LRRFIP1: variants seen among roughly 807,000 people sequenced by gnomAD.
The protein encoded by LRRFIP1 is leucine-rich repeat flightless-interacting protein 1.
A neutral mutation model predicts 104.4 loss-of-function variants in LRRFIP1; 62 were observed. That is an observed-to-expected ratio of 0.59 (90% CI 0.48 to 0.73). LRRFIP1 has a LOEUF of 0.73. Ranked by LOEUF, LRRFIP1 falls within the 30% of genes least tolerant of loss-of-function variation. The pLI is 0.00. For missense variants in LRRFIP1, 796 were observed against 824.5 expected (o/e 0.97, Z 0.42); for synonymous variants, 300 against 299.0 (o/e 1.00, Z -0.03).
chr2:237,701,352 C>T (rs13433066), intron 1 of LRRFIP1, among the ~76,000 whole-genome samples: 11,945 of 152,262 alleles, frequency 0.078, 1,575 homozygotes, highest in African/African-American at 0.27. Context: ...GGGCTGTCCC[C>T]ACCCTTAGGC....
chr2:237,647,527 C>T lies in LRRFIP1; in HGVS notation c.96+19787C>T, dbSNP rs1256012808. On this transcript the variant is annotated intron_variant, in intron 1 of 23. Coordinates refer to ENST00000308482, the MANE Select transcript of LRRFIP1 (RefSeq NM_001137550.2). Reference sequence around the variant, plus strand: ...TCCCTCAGATGGGTGCCCCCCCACCCTGCAGCAGGGTTGAGGGAGCAGAAG... The same window carrying T: ...TCCCTCAGATGGGTGCCCCCCCACCTTGCAGCAGGGTTGAGGGAGCAGAAG... 7.9e-5 allele frequency among the ~76,000 whole-genome samples: 12 copies of T among 152,102 alleles called. 2 individuals carry two copies.
intron 5 of LRRFIP1, 101 bp downstream of exon 5, chr2:237,719,668 G>T: frequency 2.8e-6 from 2 of 720,160 alleles, no homozygotes; most frequent in Non-Finnish European, 2.3e-6. Context: ...TCTTAATGAT[G>T]ATATCATCTC....
At chr2:237,746,543 G>T (rs1253238678) in intron 11 of LRRFIP1, among the ~76,000 whole-genome samples, 6 of 152,176 alleles carry the variant, frequency 3.9e-5, no homozygotes, top group African/African-American at 1.4e-4. Flanking sequence ...ATCGGAGTCT[G>T]CCTTGGTACT....
intron 1 of LRRFIP1, among the ~76,000 whole-genome samples, chr2:237,677,586 G>T (rs955052352): frequency 6.6e-6 from 1 of 152,140 alleles, no homozygotes; most frequent in Admixed American, 6.5e-5. Context: ...AAGGCCAGGG[G>T]TTTGAGACCA....
At chr2:237,777,342 A>T (rs1157770491) in intron 23 of LRRFIP1, among the ~76,000 whole-genome samples, 1 of 151,968 alleles carries the variant, frequency 6.6e-6, no homozygotes, top group Non-Finnish European at 1.5e-5. Flanking sequence ...ACTGTACTAG[A>T]ATCATTTTCC....
intron 1 of LRRFIP1, among the ~76,000 whole-genome samples, chr2:237,689,510 G>A (rs888847975): frequency 5.3e-5 from 8 of 152,158 alleles, no homozygotes; most frequent in African/African-American, 1.9e-4. Flanking sequence ...TTGTTCCTGG[G>A]ACTAAGACTC....
intron 1 of LRRFIP1, among the ~76,000 whole-genome samples, chr2:237,647,211 C>A (rs1346403812): frequency 6.6e-6 from 1 of 151,976 alleles, no homozygotes; most frequent in African/African-American, 2.4e-5. Context: ...GACCCATAGG[C>A]CTACAGTGAC....
At chr2:237,756,826 A>G (rs1279580240) in intron 16 of LRRFIP1, among the ~76,000 whole-genome samples, 1 of 152,222 alleles carries the variant, frequency 6.6e-6, no homozygotes. Flanking sequence ...ACATGGTTAA[A>G]GGGCCCCTGC....
intron 23 of LRRFIP1, among the ~76,000 whole-genome samples, chr2:237,774,712 T>G (rs1245940841): frequency 1.3e-5 from 2 of 152,244 alleles, no homozygotes; most frequent in Admixed American, 1.3e-4. Context: ...ATAGGTCTTG[T>G]CCGTAAACGT....
At chr2:237,667,831 G>A (rs1053624433) in intron 1 of LRRFIP1, among the ~76,000 whole-genome samples, 2 of 152,086 alleles carry the variant, frequency 1.3e-5, no homozygotes, top group Non-Finnish European at 2.9e-5. Flanking sequence ...CCCGAGCCCT[G>A]TAGCTTCCCT....
At chr2:237,698,573 G>A (rs1466812803) in intron 1 of LRRFIP1, among the ~76,000 whole-genome samples, 1 of 152,244 alleles carries the variant, frequency 6.6e-6, no homozygotes, top group Non-Finnish European at 1.5e-5. Flanking sequence ...GAGCAGCCTT[G>A]TAAGCTAAAG....
At chr2:237,724,956 A>G (rs2094684869) in intron 7 of LRRFIP1, among the ~76,000 whole-genome samples, 1 of 152,182 alleles carries the variant, frequency 6.6e-6, no homozygotes, top group African/African-American at 2.4e-5. Flanking sequence ...TAGAAAAGAC[A>G]TCTAACATTA....
chr2:237,697,329 G>A (rs1192699941), intron 1 of LRRFIP1, among the ~76,000 whole-genome samples: 1 of 152,156 alleles, frequency 6.6e-6, no homozygotes, highest in Non-Finnish European at 1.5e-5. Context: ...GGCCCAATGA[G>A]CTTTACTTTT....
rs767938879 is a variant in LRRFIP1 at position 237,649,745 on chromosome 2, C to T, written c.96+22005C>T. The stretch of plus-strand genomic sequence containing the variant: ...TCCCTGCCGCGGTTCGGAAGCTCCA[C>T]GGGGGCCAGTGTTGTTCAGGCCTCA... On this transcript the variant is annotated intron_variant, in intron 1 of 23. Coordinates refer to ENST00000308482, the MANE Select transcript of LRRFIP1 (RefSeq NM_001137550.2). This position sits in a 1 kb window ranked among gnomAD's most constrained non-coding sequence, Gnocchi z 4.1. 8.5e-5 allele frequency among the ~76,000 whole-genome samples: 13 copies of T among 152,098 alleles called. No homozygotes were observed. The highest frequency in any genetic ancestry group is 2.1e-4 in the South Asian group (1 of 4,816).
At chr2:237,661,000 G>A (rs1295320387) in intron 1 of LRRFIP1, among the ~76,000 whole-genome samples, 1 of 152,148 alleles carries the variant, frequency 6.6e-6, no homozygotes, top group Non-Finnish European at 1.5e-5. Context: ...TGAAAGAGGC[G>A]AGATTATTGC....
intron 1 of LRRFIP1, among the ~76,000 whole-genome samples, chr2:237,648,691 C>T (rs1172756505): frequency 1.3e-5 from 2 of 151,862 alleles, no homozygotes; most frequent in Middle Eastern, 3.4e-3. Flanking sequence ...AAACCATCTT[C>T]CCAGAAACTA....
At chr2:237,770,026 A>T in intron 20 of LRRFIP1, 34 bp downstream of exon 20, 1 of 1,562,448 alleles carries the variant, frequency 6.4e-7, no homozygotes, top group Non-Finnish European at 8.7e-7. Flanking sequence ...CCGGTTCATG[A>T]ACAGGGCACC....
At chr2:237,719,500 T>C in intron 4 of LRRFIP1, 23 bp from the exon 5 acceptor site, 1 of 1,606,744 alleles carries the variant, frequency 6.2e-7, no homozygotes, top group African/African-American at 1.3e-5. Flanking sequence ...TCTAACCTTT[T>C]CATGCTGTTT....
chr2:237,647,468 C>G (rs1403607058), intron 1 of LRRFIP1, among the ~76,000 whole-genome samples: 1 of 152,070 alleles, frequency 6.6e-6, no homozygotes, highest in Non-Finnish European at 1.5e-5. Flanking sequence ...AGCCCACCCA[C>G]TGGTGCAGGG....
Sources: allele counts gnomAD v4.1 joint callset (sites outside exome capture counted in the v4.1 genomes callset), GRCh38; gene constraint gnomAD v4.1.1; non-coding constraint Gnocchi (gnomAD v3.1); transcripts MANE v1.5; gene names NCBI Gene and HGNC (gene_info 2026-07-23, HGNC 2026-07-21).